SENP1: variants seen among roughly 807,000 people sequenced by gnomAD.
SENP1 encodes sentrin-specific protease 1.
Under a neutral mutation model 93.0 loss-of-function variants are expected in SENP1, and 21 were observed. The ratio of observed to expected loss-of-function variants is 0.23; its 90% CI spans 0.16 to 0.33. The LOEUF (loss-of-function observed/expected upper bound fraction) is 0.33. SENP1 is among the 10% of genes least tolerant of loss of function. The probability of loss-of-function intolerance (pLI) is 1.00; values close to 1 mark genes in which losing one functional copy is unlikely to be tolerated. For synonymous variants in SENP1, 256 were observed against 259.6 expected (o/e 0.99, Z 0.13); for missense variants, 591 against 758.7 (o/e 0.78, Z 2.60).
At chr12:48,085,321 C>T (rs1014287963) in intron 5 of SENP1, 38 of 1,486,694 alleles carry the variant, frequency 2.6e-5, no homozygotes, top group African/African-American at 4.2e-5. Flanking sequence ...TCTATCCCTA[C>T]TGTCCTGGAG....
At position 48,045,134 on chromosome 12, in the gene SENP1, C is replaced by T. The variant is rs771144667; in HGVS notation, c.*188G>A. 7.0e-6 allele frequency: 4 copies of T among 573,434 alleles called. No homozygotes were observed. The highest frequency in any genetic ancestry group is 2.3e-5 in the South Asian group (1 of 43,674). 35.5% of individuals were successfully genotyped at this position (573,434 alleles called of 1,614,324 possible). On this transcript the variant is annotated 3_prime_UTR_variant, in exon 18 of 18. Transcript: ENST00000549518. The stretch of plus-strand genomic sequence containing the variant: ...CTTTCACAGCACCAAAGTTTCTTTG[C>T]AAAAATAGTATCTGAGATACAAAAG...
intron 1 of SENP1, 53 bp downstream of exon 1, chr12:48,105,975 G>A (rs890926164): frequency 2.9e-6 from 2 of 699,660 alleles, no homozygotes; most frequent in South Asian, 1.5e-5. Context: ...ACAGTCTCCT[G>A]GACCAGGCTC....
intron 5 of SENP1, among the ~76,000 whole-genome samples, chr12:48,087,646 G>C (rs1944970752): frequency 1.3e-5 from 2 of 152,200 alleles, no homozygotes; most frequent in Admixed American, 1.3e-4. Context: ...AGCTTTGCTG[G>C]TAATGTGTTG....
chr12:48,050,728 G>C (rs1473776196), intron 13 of SENP1, among the ~76,000 whole-genome samples: 1 of 152,188 alleles, frequency 6.6e-6, no homozygotes, highest in African/African-American at 2.4e-5. Context: ...AAATGCAGTA[G>C]GATCTTCCCA....
intron 6 of SENP1, among the ~76,000 whole-genome samples, chr12:48,081,957 C>T (rs1259018568): frequency 6.6e-6 from 1 of 151,970 alleles, no homozygotes; most frequent in Non-Finnish European, 1.5e-5. Context: ...GGCGCGATTT[C>T]GGCTCACTGC....
chr12:48,047,741 A>G (rs538266118), intron 15 of SENP1, among the ~76,000 whole-genome samples: 1 of 152,342 alleles, frequency 6.6e-6, no homozygotes, highest in East Asian at 1.9e-4. Context: ...AGGAGGTTGG[A>G]TTAAATGATT....
At chr12:48,064,939 A>C in intron 12 of SENP1, 126 bp downstream of exon 12, 1 of 665,138 alleles carries the variant, frequency 1.5e-6, no homozygotes, top group African/African-American at 1.8e-5. Flanking sequence ...AGTCTCCCAA[A>C]GTGATGGGAT....
intron 13 of SENP1, among the ~76,000 whole-genome samples, chr12:48,062,344 T>A (rs1260179414): frequency 2.0e-5 from 3 of 152,234 alleles, no homozygotes; most frequent in Non-Finnish European, 2.9e-5. Context: ...TTTGGTGAGC[T>A]CTTTTTTTCC....
At chr12:48,099,950 G>A (rs1282492715) in intron 2 of SENP1, among the ~76,000 whole-genome samples, 1 of 152,090 alleles carries the variant, frequency 6.6e-6, no homozygotes, top group Non-Finnish European at 1.5e-5. Flanking sequence ...TGTTACTATA[G>A]AAGAGCTAGA....
chr12:48,087,184 A>G (rs931477868), intron 5 of SENP1, among the ~76,000 whole-genome samples: 1 of 152,236 alleles, frequency 6.6e-6, no homozygotes, highest in Non-Finnish European at 1.5e-5. Context: ...AAATTTAAAT[A>G]TGACTTAGGG....
At chr12:48,072,947 G>A (rs1189016538) in intron 8 of SENP1, among the ~76,000 whole-genome samples, 3 of 151,678 alleles carry the variant, frequency 2.0e-5, no homozygotes, top group Non-Finnish European at 2.9e-5. Context: ...TCTACAATGC[G>A]ACTGAATTAG....
Position 48,048,038 on chromosome 12 carries a change from T to C in SENP1, c.1654A>G (p.Met552Val). 1 of 1,608,190 alleles carries C rather than the reference T, an allele frequency of 6.2e-7. No individual in the cohort carries two copies. Among genetic ancestry groups the C allele is most frequent in the South Asian group, 1.1e-5 (1 of 90,934 alleles). ...CAGGCTTCATTGTTTATCCCACCCA[T>C]GGAGTCGTAATAGGTAATATTCTTC... ...RKKNITYYDS[M>V]GGINNEACRI... Residue 552 changes from methionine to valine, a missense_variant, in exon 15 of 18, where the codon ATG becomes GTG. Physicochemically the swap from Met to Val is conservative, Grantham distance 21. Around this residue, in one of 4 missense-constraint regions of SENP1, gnomAD observed 132 missense variants for 230.1 expected, o/e 0.57. Transcript: ENST00000549518.
rs1373405655 is a variant in SENP1 at position 48,047,021 on chromosome 12, T to G, written c.1733A>C (p.Glu578Ala). Residue 578 changes from glutamate to alanine, a missense_variant, in exon 16 of 18, where the codon GAG becomes GCG. Physicochemically the swap from Glu to Ala is moderately radical, Grantham distance 107. Coordinates refer to ENST00000549518, the MANE Select transcript of SENP1 (RefSeq NM_001267594.2). ...AAGCTGCCAGCCATTGGTGTCAAAC[T>G]CTTTCCTTTTCTTGTCAATGCTTTC... Reference protein sequence around the residue: ...KQESIDKKRKEFDTNGWQLFS... With the variant: ...KQESIDKKRKAFDTNGWQLFS... The G allele has an allele frequency of 1.9e-6, 3 of 1,612,946 alleles. No homozygotes were observed. The highest frequency in any genetic ancestry group is 2.5e-6 in the Non-Finnish European group (3 of 1,179,202).
intron 5 of SENP1, among the ~76,000 whole-genome samples, chr12:48,084,048 T>C (rs1381544411): frequency 1.3e-5 from 2 of 152,214 alleles, no homozygotes; most frequent in Non-Finnish European, 2.9e-5. Context: ...CCATATAGTT[T>C]TGTGGTATGA....
intron 4 of SENP1, among the ~76,000 whole-genome samples, chr12:48,095,048 A>G (rs540893396): frequency 1.0e-3 from 158 of 152,320 alleles, no homozygotes; most frequent in African/African-American, 3.4e-3. Context: ...TGCACATACT[A>G]TGGAAGTCCA....
chr12:48,096,197 A>G (rs901859936), intron 4 of SENP1, 146 bp downstream of exon 4: 2 of 550,220 alleles, frequency 3.6e-6, no homozygotes, highest in Non-Finnish European at 6.5e-6. Context: ...ATACACAGGA[A>G]AAGCCATTCA....
chr12:48,057,418 CAG>C, intron 13 of SENP1, among the ~76,000 whole-genome samples: 1 of 147,936 alleles, frequency 6.8e-6, no homozygotes, highest in African/African-American at 2.5e-5. Context: ...TTAGTAGAGA[CAG>C]GGTTTCAGCA....
chr12:48,098,374 G>A (rs1302915586), intron 2 of SENP1, among the ~76,000 whole-genome samples: 1 of 151,958 alleles, frequency 6.6e-6, no homozygotes, highest in Non-Finnish European at 1.5e-5. Flanking sequence ...GTCAGGTGTG[G>A]TGGCTCACAC....
Position 48,096,385 on chromosome 12 carries a change from A to T in SENP1, c.178T>A (p.Cys60Ser), listed in dbSNP as rs1392433142. The T allele has an allele frequency of 6.2e-7, 1 of 1,611,210 alleles. No homozygotes were observed. Among genetic ancestry groups the T allele is most frequent in the Non-Finnish European group, 8.5e-7 (1 of 1,177,552 alleles). Residue 60 changes from cysteine (C) to serine (S), a missense_variant, in exon 4 of 18, where the codon TGT (cysteine) becomes AGT (serine). By Grantham distance (112) the Cys-to-Ser change is moderately radical (BLOSUM62 -1). This residue lies in a region of SENP1 where 214 missense variants were observed against 243.4 expected (regional missense o/e 0.88). Coordinates refer to ENST00000549518, the MANE Select transcript of SENP1 (RefSeq NM_001267594.2). The stretch of plus-strand genomic sequence containing the variant: ...TTATAAGCTGCACTTCTTGTGGAAC[A>T]TGTAAAAGATCGGTCCAAATGTCCT... ...RQGHLDRSFT[C>S]STRSAAYNPS...
Sources: gnomAD v4.1 joint callset for allele counts (sites outside exome capture counted in the v4.1 genomes callset) on GRCh38, gnomAD v4.1.1 for gene constraint, gnomAD v4.1.1 regional missense constraint, MANE v1.5 for transcripts, NCBI Gene and HGNC (gene_info 2026-07-23, HGNC 2026-07-21) for gene names.